ITGAX: variants seen among roughly 807,000 people sequenced by gnomAD.
ITGAX encodes integrin alpha-X.
A neutral mutation model predicts 140.2 loss-of-function variants in ITGAX; 99 were observed. That is an observed-to-expected ratio of 0.71 (90% CI 0.60 to 0.83). ITGAX has a LOEUF of 0.83. Ranked by LOEUF, ITGAX falls within the 40% of genes least tolerant of loss-of-function variation. The pLI is 0.00. For missense variants in ITGAX, 1,444 were observed against 1,482.0 expected, an observed-to-expected ratio of 0.97 and a Z score of 0.42; for synonymous variants, 631 against 600.4, an observed-to-expected ratio of 1.05 and a Z score of -0.75.
chr16:31,371,454 C>A lies in ITGAX; in HGVS notation c.1962C>A (p.Ile654=). ...AGCAGACCCTGGTACAGTCCAACAT[C>A]TGCCTTTACATTGACAAACGTTCTA... is the stretch of plus-strand genomic sequence containing the variant. ...VSEQTLVQSN[I]CLYIDKRSKN... The change falls in exon 16 of 30, where the codon ATC becomes ATA. Residue 654 remains isoleucine (I), a synonymous_variant. Transcript: ENST00000268296. 1 of 1,614,210 alleles carries A rather than the reference C, an allele frequency of 6.2e-7. No homozygotes were observed. The highest frequency in any genetic ancestry group is 1.7e-5 in the Admixed American group (1 of 60,030).
rs750563782 is a variant in ITGAX at position 31,361,832 on chromosome 16, C to A, written c.1013-4C>A. The stretch of plus-strand genomic sequence containing the variant: ...TGGCACTCAAGCGTCATGCCTTCCC[C>A]CAGGTACGGAGACCACAAGCAGTAG... On this transcript the variant is annotated splice_polypyrimidine_tract_variant and splice_region_variant and intron_variant, in intron 9 of 29. Coordinates refer to ENST00000268296, the MANE Select transcript of ITGAX (RefSeq NM_000887.5). 3.1e-6 allele frequency: 5 copies of A among 1,614,050 alleles called. No individual in the cohort carries two copies. The East Asian group carries it at 1.1e-4, about 36-fold the overall frequency.
intron 7 of ITGAX, 92 bp from the exon 8 acceptor site, chr16:31,360,218 C>T (rs982203028): frequency 6.4e-5 from 98 of 1,519,426 alleles, no homozygotes; most frequent in Non-Finnish European, 8.6e-5. Flanking sequence ...TGGGGCCTCC[C>T]AAAGGAAAAG....
chr16:31,379,443 G>A, intron 23 of ITGAX, 125 bp from the exon 24 acceptor site: 1 of 917,298 alleles, frequency 1.1e-6, no homozygotes, highest in East Asian at 2.6e-5. Flanking sequence ...ACCTAACTCA[G>A]CCACAGCCCT....
Position 31,355,245 on chromosome 16 carries a change from C to A in ITGAX, c.-10C>A. On this transcript the variant is annotated 5_prime_UTR_variant, in exon 1 of 30. Transcript: ENST00000268296. ...CAGGAGCTCAGAGCTCCACATCTGA[C>A]CTTCTAGTCATGACCAGGACCAGGG... is the stretch of plus-strand genomic sequence containing the variant. 1.9e-6 allele frequency: 3 copies of A among 1,613,806 alleles called. No homozygotes were observed. Among genetic ancestry groups the A allele is most frequent in the African/African-American group, 1.3e-5 (1 of 75,056 alleles).
At position 31,357,033 on chromosome 16, in the gene ITGAX, C is replaced by T. The variant is rs769126054; in HGVS notation, c.250C>T (p.Pro84Ser). 6.2e-7 allele frequency: 1 copy of T among 1,607,476 alleles called. No homozygotes were observed. The highest frequency in any genetic ancestry group is 8.5e-7 in the Non-Finnish European group (1 of 1,178,496). Residue 84 changes from proline to serine, a missense_variant and splice_region_variant, in exon 4 of 30, where the codon CCC becomes TCC. Coordinates refer to ENST00000268296, the MANE Select transcript of ITGAX (RefSeq NM_000887.5). ...GACEPIGLQV[P>S]PEAVNMSLGL... ...CATGCACATATCTGTCCCCACAGTG[C>T]CCCCGGAGGCCGTGAACATGTCCCT... is the stretch of plus-strand genomic sequence containing the variant.
intron 5 of ITGAX, among the ~76,000 whole-genome samples, chr16:31,359,283 T>TGCCTCC (rs2080794620): frequency 6.6e-6 from 1 of 152,152 alleles, no homozygotes; most frequent in Admixed American, 6.5e-5. Flanking sequence ...ATTCTGCCTC[T>TGCCTCC]GCCTCCCAAG....
chr16:31,365,922 C>T (rs914872930), intron 14 of ITGAX, among the ~76,000 whole-genome samples: 1 of 135,154 alleles, frequency 7.4e-6, no homozygotes, highest in Non-Finnish European at 1.7e-5. Context: ...GACTCCATCT[C>T]TAAACAAACA....
intron 14 of ITGAX, among the ~76,000 whole-genome samples, chr16:31,364,203 A>G (rs2080867864): frequency 6.6e-6 from 1 of 151,778 alleles, no homozygotes; most frequent in African/African-American, 2.4e-5. Flanking sequence ...CAGGAGGATC[A>G]CTTGAGGCCA....
In ITGAX at chr16:31,371,783, C is replaced by T. The variant is rs200637041; in HGVS notation, c.2159C>T (p.Pro720Leu). The change falls in exon 17 of 30, where the codon CCG becomes CTG. Residue 720 changes from proline to leucine, a missense_variant and splice_region_variant. Physicochemically the swap from Pro to Leu is moderately conservative, Grantham distance 98 (BLOSUM62 -3). Coordinates refer to ENST00000268296, the MANE Select transcript of ITGAX (RefSeq NM_000887.5). ...TGTGAAAACTTCAACCTGCTGCTCC[C>T]GGTGCGTCTGGGCATGAACGTGGGT... ...AHCENFNLLL[P>L]SCVEDSVTPI... 3.8e-5 allele frequency: 61 copies of T among 1,613,702 alleles called. No homozygotes were observed. Among genetic ancestry groups the T allele is most frequent in the Admixed American group, 2.7e-4 (16 of 60,008 alleles).
chr16:31,357,015 A>C lies in ITGAX; in HGVS notation c.248-16A>C. The C allele has an allele frequency of 2.5e-6, 4 of 1,600,714 alleles. No homozygotes were observed. The highest frequency in any genetic ancestry group is 3.4e-6 in the Non-Finnish European group (4 of 1,175,992). On this transcript the variant is annotated splice_polypyrimidine_tract_variant and intron_variant, in intron 3 of 29. Coordinates refer to ENST00000268296, the MANE Select transcript of ITGAX (RefSeq NM_000887.5). Reference sequence around the variant, plus strand: ...TGTACCCCCGAGAGTGACCATGCACATATCTGTCCCCACAGTGCCCCCGGA... The same window carrying C: ...TGTACCCCCGAGAGTGACCATGCACCTATCTGTCCCCACAGTGCCCCCGGA...
chr16:31,360,062 T>C lies in ITGAX; in HGVS notation c.704T>C (p.Val235Ala), dbSNP rs780459216. 1.5e-5 allele frequency: 24 copies of C among 1,609,514 alleles called. No homozygotes were observed. Among genetic ancestry groups the C allele is most frequent in the Non-Finnish European group, 2.0e-5 (24 of 1,179,998 alleles). The change falls in exon 7 of 30, where the codon GTC becomes GCC. Residue 235 changes from valine (V) to alanine (A), a missense_variant. Coordinates refer to ENST00000268296, the MANE Select transcript of ITGAX (RefSeq NM_000887.5). ...FTYTATAIQNVVHRLFHASYG... is the reference protein window; with the variant it reads ...FTYTATAIQNAVHRLFHASYG... The stretch of plus-strand genomic sequence containing the variant: ...TACACGGCCACCGCCATCCAAAATG[T>C]CGTGTGAGTCCTGATTTCTTCCAGG...
chr16:31,361,762 TA>T, intron 9 of ITGAX, 73 bp from the exon 10 acceptor site: 1 of 1,473,486 alleles, frequency 6.8e-7, no homozygotes, highest in Non-Finnish European at 9.5e-7. Context: ...TAGCTTCTCC[TA>T]AAGCTGAAGT....
At chr16:31,376,729 C>A in intron 20 of ITGAX, 70 bp from the exon 21 acceptor site, 2 of 1,439,572 alleles carry the variant, frequency 1.4e-6, no homozygotes, top group Non-Finnish European at 2.0e-6. Flanking sequence ...TAGGTTGGTG[C>A]AAAAGTAATT....
chr16:31,360,632 AC>A, intron 8 of ITGAX, 169 bp downstream of exon 8: 1 of 621,078 alleles, frequency 1.6e-6, no homozygotes, highest in Non-Finnish European at 2.7e-6. Flanking sequence ...TGATCCTCCC[AC>A]CCCAGCCTCC....
rs1159145816 is a variant in ITGAX at position 31,381,024 on chromosome 16, A to G, written c.3387+17A>G. On this transcript the variant is annotated intron_variant, in intron 29 of 29. Coordinates refer to ENST00000268296, the MANE Select transcript of ITGAX (RefSeq NM_000887.5). ...CTGTACAAAGTGAGTGTTTTATGCC[A>G]CTCTTGACACCACCAGCATCTGGTC... The G allele has an allele frequency of 6.3e-7, 1 of 1,580,488 alleles. No homozygotes were observed. Among genetic ancestry groups the G allele is most frequent in the Non-Finnish European group, 8.7e-7 (1 of 1,149,844 alleles).
chr16:31,372,525 G>A lies in ITGAX; in HGVS notation c.2292+16G>A, dbSNP rs1328708862. The A allele has an allele frequency of 1.6e-5, 25 of 1,611,488 alleles. No homozygotes were observed. Among genetic ancestry groups the A allele is most frequent in the Non-Finnish European group, 2.1e-5 (25 of 1,179,096 alleles). On this transcript the variant is annotated intron_variant, in intron 18 of 29. Transcript: ENST00000268296. ...CACGGCCTCCGTGAGTCCTGGCACT[G>A]GGTCTCCCAGAGAGGGTGCACAGCG... is the stretch of plus-strand genomic sequence containing the variant.
chr16:31,363,215 C>T lies in ITGAX; in HGVS notation c.1551C>T (p.Pro517=), dbSNP rs1393795981. The T allele has an allele frequency of 1.2e-6, 2 of 1,613,210 alleles. No homozygotes were observed. Among genetic ancestry groups the T allele is most frequent in the Admixed American group, 3.3e-5 (2 of 59,842 alleles). The change falls in exon 14 of 30, where the codon CCC becomes CCT. Residue 517 remains proline (P), a synonymous_variant. Transcript: ENST00000268296. ...DAVLYGEQGH[P]WGRFGAALTV... ...TTCTCTACGGGGAGCAGGGCCACCC[C>T]TGGGGTCGCTTTGGGGCGGCTCTGA...
intron 8 of ITGAX, chr16:31,360,817 C>A: frequency 1.9e-6 from 1 of 531,076 alleles, no homozygotes; most frequent in South Asian, 2.3e-5. Flanking sequence ...CCAACAACAT[C>A]CCTTTCAAGG....
In ITGAX at chr16:31,360,044, C is replaced by G. The variant is rs1405098590; in HGVS notation, c.686C>G (p.Ala229Gly). The G allele has an allele frequency of 6.2e-7, 1 of 1,611,380 alleles. No individual in the cohort carries two copies. Among genetic ancestry groups the G allele is most frequent in the African/African-American group, 1.3e-5 (1 of 74,936 alleles). Residue 229 changes from alanine (A) to glycine (G), a missense_variant, in exon 7 of 30, where the codon GCC (alanine) becomes GGC (glycine). Transcript: ENST00000268296. ...CAGCTGCAAGGGTTTACATACACGG[C>G]CACCGCCATCCAAAATGTCGTGTGA... ...VHQLQGFTYT[A>G]TAIQNVVHRL... is the part of the protein sequence containing the mutation.
Sources: gnomAD v4.1 joint callset for allele counts (sites outside exome capture counted in the v4.1 genomes callset) on GRCh38, gnomAD v4.1.1 for gene constraint, MANE v1.5 for transcripts, NCBI Gene and HGNC (gene_info 2026-07-23, HGNC 2026-07-21) for gene names.